The following KLHL32 variants were observed in gnomAD, a reference collection of about 807,000 sequenced individuals.
KLHL32 encodes the protein kelch like family member 32, also known as kelch-like protein 32.
KLHL32 carries 35 observed loss-of-function variants against 64.8 expected under a neutral mutation model. The ratio of observed to expected loss-of-function variants is 0.54; its 90% confidence interval spans 0.41 to 0.72. The LOEUF (loss-of-function observed/expected upper bound fraction) is 0.72. KLHL32 is among the 30% of genes least tolerant of loss of function. The pLI is 0.00. For synonymous variants in KLHL32, 259 were observed against 281.0 expected (o/e 0.92, Z 0.78); for missense variants, 589 against 768.5 (o/e 0.77, Z 2.76).
intron 6 of KLHL32, among the ~76,000 whole-genome samples, chr6:97,113,384 C>T (rs1356158600): frequency 6.6e-6 from 1 of 152,064 alleles, no homozygotes; most frequent in East Asian, 1.9e-4. Flanking sequence ...ACATATATTA[C>T]CTGAGCTTTG....
intron 5 of KLHL32, among the ~76,000 whole-genome samples, chr6:97,072,786 A>G (rs1790954831): frequency 2.0e-5 from 3 of 152,086 alleles, no homozygotes; most frequent in Admixed American, 2.0e-4. Flanking sequence ...ACTCAGTTGG[A>G]ATTATATCTT....
chr6:96,958,627 G>A (rs1440083294), intron 1 of KLHL32, among the ~76,000 whole-genome samples: 1 of 151,844 alleles, frequency 6.6e-6, no homozygotes, highest in African/African-American at 2.4e-5. Context: ...GCAGTGAGAC[G>A]ATCAAGTGGG....
chr6:97,131,488 AC>A (rs1201487074), intron 9 of KLHL32, among the ~76,000 whole-genome samples: 1 of 152,162 alleles, frequency 6.6e-6, no homozygotes, highest in African/African-American at 2.4e-5. Flanking sequence ...AGCATTTACC[AC>A]AGAGCAACAT....
At chr6:96,980,901 A>G (rs111724631) in intron 3 of KLHL32, among the ~76,000 whole-genome samples, 1,683 of 152,190 alleles carry the variant, frequency 0.011, 41 homozygotes, top group African/African-American at 0.039. Context: ...TCACAGTTCT[A>G]CAGGGCTGGG....
chr6:97,133,836 G>A (rs1480215896), intron 10 of KLHL32, among the ~76,000 whole-genome samples: 1 of 152,110 alleles, frequency 6.6e-6, no homozygotes, highest in African/African-American at 2.4e-5. Flanking sequence ...GAATGGATAT[G>A]GGTTCTGACT....
chr6:96,988,996 C>G (rs139045725), intron 3 of KLHL32, among the ~76,000 whole-genome samples: 3 of 152,144 alleles, frequency 2.0e-5, no homozygotes, highest in South Asian at 2.1e-4. Context: ...GGAGATATAC[C>G]TAATGTTAAA....
chr6:96,964,610 C>T (rs1017537552), intron 1 of KLHL32, among the ~76,000 whole-genome samples: 5 of 152,100 alleles, frequency 3.3e-5, no homozygotes, highest in Non-Finnish European at 7.4e-5. Context: ...CCGAGATCGC[C>T]CCACTGCAGT....
intron 3 of KLHL32, among the ~76,000 whole-genome samples, chr6:96,982,986 T>C (rs989037567): frequency 1.3e-5 from 2 of 152,282 alleles, no homozygotes; most frequent in African/African-American, 4.8e-5. Context: ...TTCCAGTTTT[T>C]GCCCATTCAG....
At chr6:97,053,714 C>T (rs954826221) in intron 4 of KLHL32, among the ~76,000 whole-genome samples, 1 of 151,606 alleles carries the variant, frequency 6.6e-6, no homozygotes, top group East Asian at 1.9e-4. Flanking sequence ...GATATAAGTA[C>T]ATTTGTTTTT....
At chr6:97,106,533 G>A (rs906791864) in intron 6 of KLHL32, among the ~76,000 whole-genome samples, 1 of 151,922 alleles carries the variant, frequency 6.6e-6, no homozygotes, top group African/African-American at 2.4e-5. Flanking sequence ...ATTTGAGGTC[G>A]GTAGTTTGAG....
At chr6:97,055,702 G>A (rs972372482) in intron 4 of KLHL32, among the ~76,000 whole-genome samples, 30 of 148,146 alleles carry the variant, frequency 2.0e-4, no homozygotes, top group African/African-American at 6.5e-4. Flanking sequence ...AGAGGTTGAC[G>A]TGAAAGAATT....
At position 97,108,402 on chromosome 6, in the gene KLHL32, T is replaced by C. The variant is rs189008851; in HGVS notation, c.628-5381T>C. Among the ~76,000 whole-genome samples, 11 of 152,302 alleles carry C rather than the reference T, an allele frequency of 7.2e-5. No homozygotes were observed. In the East Asian group the frequency reaches 2.1e-3, roughly 29 times the overall value. ...CCGAAATATACCACAAAGCTAACTG[T>C]TGTCTTTGGGTTTTATGATGCCCCA... On this transcript the variant is annotated intron_variant, in intron 6 of 10. Coordinates refer to ENST00000369261, the MANE Select transcript of KLHL32 (RefSeq NM_052904.4).
In KLHL32 at chr6:97,079,995, C is replaced by CTT. The variant is rs1428891623; in HGVS notation, c.412-5131_412-5130insTT. On this transcript the variant is annotated intron_variant, in intron 5 of 10. Coordinates refer to ENST00000369261, the MANE Select transcript of KLHL32 (RefSeq NM_052904.4). Reference sequence around the variant, plus strand: ...GTCACAGAATGCAGGAGAGCTGAGACAATCTCGTAATTAGGAAAAAGTATC... The same window carrying CTT: ...GTCACAGAATGCAGGAGAGCTGAGACTTAATCTCGTAATTAGGAAAAAGTATC... Among the ~76,000 whole-genome samples the CTT allele has an allele frequency of 4.6e-5, 7 of 152,186 alleles. No homozygotes were observed. The East Asian group carries it at 1.4e-3, about 29-fold the overall frequency.
intron 5 of KLHL32, among the ~76,000 whole-genome samples, chr6:97,076,727 G>A (rs777633632): frequency 1.3e-5 from 2 of 152,084 alleles, no homozygotes; most frequent in Non-Finnish European, 2.9e-5. Context: ...GCTAAAAGTA[G>A]CACACAGTTC....
intron 1 of KLHL32, among the ~76,000 whole-genome samples, chr6:96,928,869 G>A (rs1448043416): frequency 6.6e-6 from 1 of 152,166 alleles, no homozygotes; most frequent in Admixed American, 6.5e-5. Context: ...AGATTTTAAG[G>A]TTGCATATAC....
At chr6:97,085,955 T>C (rs1793352694) in intron 6 of KLHL32, among the ~76,000 whole-genome samples, 1 of 152,220 alleles carries the variant, frequency 6.6e-6, no homozygotes, top group Non-Finnish European at 1.5e-5. Context: ...TGTTTTGTGG[T>C]TTGAAGTTGA....
At chr6:97,093,546 A>G (rs527653608) in intron 6 of KLHL32, among the ~76,000 whole-genome samples, 3 of 152,364 alleles carry the variant, frequency 2.0e-5, no homozygotes, top group Non-Finnish European at 1.5e-5. Flanking sequence ...ACGTTTTTAT[A>G]TATTACTCTG....
chr6:97,060,312 G>A (rs1015527983), intron 4 of KLHL32, among the ~76,000 whole-genome samples: 9 of 152,200 alleles, frequency 5.9e-5, no homozygotes, highest in South Asian at 2.1e-4. Context: ...AAGAGGCTAG[G>A]TATAAGGGAG....
chr6:96,926,008 T>A (rs1380592542), intron 1 of KLHL32, among the ~76,000 whole-genome samples: 1 of 151,984 alleles, frequency 6.6e-6, no homozygotes, highest in Non-Finnish European at 1.5e-5. Context: ...GATAGGCCAA[T>A]GGAACAGGTC....
Sources: gnomAD v4.1 joint callset for allele counts (sites outside exome capture counted in the v4.1 genomes callset) on GRCh38, gnomAD v4.1.1 for gene constraint, MANE v1.5 for transcripts, NCBI Gene and HGNC (gene_info 2026-07-23, HGNC 2026-07-21) for gene names.